The following KRT26 variants were observed in gnomAD, a reference collection of about 807,000 sequenced individuals.
KRT26 encodes keratin, type I cytoskeletal 26.
In KRT26, 45 loss-of-function variants were observed where a neutral mutation model predicts 46.1. That is an observed-to-expected ratio of 0.98 (90% confidence interval 0.77 to 1.25). The LOEUF is 1.25. Ranked by LOEUF, KRT26 falls within the 50% of genes most tolerant of loss-of-function variation. The pLI is 0.00. For synonymous variants in KRT26, 191 were observed against 209.9 expected, an observed-to-expected ratio of 0.91 and a Z score of 0.78; for missense variants, 582 against 560.1, an observed-to-expected ratio of 1.04 and a Z score of -0.39.
At chr17:40,769,692 A>ATATC in intron 5 of KRT26, 62 bp downstream of exon 5, 1 of 1,533,136 alleles carries the variant, frequency 6.5e-7, no homozygotes, top group Admixed American at 1.7e-5. Context: ...ATGTATTTTT[A>ATATC]TATCTGTATT....
chr17:40,766,319 C>G, exon 8 of KRT26: 2 of 398,440 alleles, frequency 5.0e-6, no homozygotes, highest in Non-Finnish European at 8.7e-6. Context: ...CAGGATTTTT[C>G]TACTCTGGAA....
chr17:40,768,968 C>T (rs772527426), exon 6 of KRT26: 1 of 1,612,988 alleles, frequency 6.2e-7, no homozygotes, highest in Admixed American at 1.7e-5. Context: ...ACTCCAGCTT[C>T]TGGCCTTCTG....
exon 2 of KRT26, chr17:40,771,209 T>C (rs1415298125): frequency 6.2e-7 from 1 of 1,606,784 alleles, no homozygotes; most frequent in South Asian, 1.1e-5. Flanking sequence ...AGAACAATGC[T>C]GGCATTGCAG....
In KRT26 at chr17:40,770,134, A is replaced by G. The variant is rs1286481226; in HGVS notation, c.682-12T>C. On this transcript the variant is annotated splice_polypyrimidine_tract_variant and intron_variant, in intron 3 of 7. Coordinates refer to ENST00000335552, the Ensembl canonical transcript of KRT26. ...AAGACTTCCATTTCCTAGAAAAGGGATCGGTATTCATCCTCAGTGGAGGAT... is the reference window on the plus strand; with the variant it reads ...AAGACTTCCATTTCCTAGAAAAGGGGTCGGTATTCATCCTCAGTGGAGGAT... 6.2e-6 allele frequency: 10 copies of G among 1,613,942 alleles called. No individual in the cohort carries two copies. Among genetic ancestry groups the G allele is most frequent in the Non-Finnish European group, 8.5e-6 (10 of 1,179,972 alleles).
rs2038227380 is a variant in KRT26 at position 40,772,075 on chromosome 17, G to A, written c.39C>T (p.Cys13=). 4 of 1,614,142 alleles carry A rather than the reference G, an allele frequency of 2.5e-6. No homozygotes were observed. The East Asian group carries it at 8.9e-5, about 36-fold the overall frequency. ...ACAGCCTACCAGACCCAGTTCGCGA[G>A]CAGATCCTCCTGGATCCACCAGAAA... The change falls in exon 1 of 8, where the codon TGC becomes TGT. Residue 13 remains cysteine, a synonymous_variant. Coordinates refer to ENST00000335552, the Ensembl canonical transcript of KRT26.
chr17:40,772,009 A>G (rs931484444), exon 1 of KRT26: 2 of 1,614,000 alleles, frequency 1.2e-6, no homozygotes, highest in African/African-American at 2.7e-5. Context: ...CTCCCGATCC[A>G]ACACACACAT....
At chr17:40,769,139 A>C in intron 5 of KRT26, 43 bp from the exon 6 acceptor site, 1 of 1,231,278 alleles carries the variant, frequency 8.1e-7, no homozygotes, top group Non-Finnish European at 1.2e-6. Context: ...TAAAAGAGAA[A>C]TGGCATGGTC....
chr17:40,766,505 T>C lies in KRT26; in HGVS notation c.*10A>G, dbSNP rs779564931. 6.5e-6 allele frequency: 10 copies of C among 1,546,370 alleles called. No individual in the cohort carries two copies. In the African/African-American group the frequency reaches 1.4e-4, roughly 21 times the overall value. On this transcript the variant is annotated 3_prime_UTR_variant, in exon 8 of 8. Transcript: ENST00000335552. ...CTTTCTTTCTTTCTTTCCAAATAAC[T>C]TTTTCCTCATTATGGTGCTTTAGAA...
chr17:40,770,332 G>A (rs1377992215), exon 3 of KRT26: 2 of 1,613,872 alleles, frequency 1.2e-6, no homozygotes, highest in African/African-American at 2.7e-5. Context: ...TGTACAAAGG[G>A]TCAGTTCATC....
upstream of KRT26, chr17:40,772,178 A>T (rs189976028): frequency 7.6e-7 from 1 of 1,314,906 alleles, no homozygotes; most frequent in Non-Finnish European, 1.1e-6. Flanking sequence ...CACCTTCCAC[A>T]CTTGTTAGCT....
chr17:40,769,756 C>T (rs2038203464), exon 5 of KRT26: 4 of 1,614,156 alleles, frequency 2.5e-6, no homozygotes, highest in African/African-American at 2.7e-5. Flanking sequence ...CTACGTACCA[C>T]AGCCATGAGG....
exon 4 of KRT26, chr17:40,770,110 A>G (rs1197445185): frequency 6.2e-7 from 1 of 1,614,196 alleles, no homozygotes; most frequent in Admixed American, 1.7e-5. Flanking sequence ...GTATATTGCA[A>G]GACTTCCATT....
exon 7 of KRT26, chr17:40,767,649 T>C (rs1253799402): frequency 6.2e-7 from 1 of 1,603,502 alleles, no homozygotes; most frequent in Admixed American, 1.7e-5. Flanking sequence ...GTGGATTTGC[T>C]TTTTCTGTGA....
At chr17:40,770,174 A>C (rs371719816) in intron 3 of KRT26, 52 bp from the exon 4 acceptor site, 1 of 1,612,878 alleles carries the variant, frequency 6.2e-7, no homozygotes, top group African/African-American at 1.3e-5. Flanking sequence ...ATTGATGTTC[A>C]TGCCCTGCTA....
chr17:40,771,102 T>C (rs751692905), intron 2 of KRT26, 52 bp downstream of exon 2: 243 of 1,053,616 alleles, frequency 2.3e-4, no homozygotes, highest in Admixed American at 4.2e-4. Context: ...CTTAATCCAA[T>C]TGTAATATTT....
Position 40,771,672 on chromosome 17 carries a change from C to A in KRT26, c.441+1G>T, listed in dbSNP as rs758341043. The A allele has an allele frequency of 6.2e-7, 1 of 1,602,910 alleles. No individual in the cohort carries two copies. Among genetic ancestry groups the A allele is most frequent in the Non-Finnish European group, 8.5e-7 (1 of 1,172,864 alleles). Reference sequence around the variant, plus strand: ...AAAGTATGCAAATCCCTATTTCTTACCTGCCTTTTAAGATCTTCTATGACT... The same window carrying A: ...AAAGTATGCAAATCCCTATTTCTTAACTGCCTTTTAAGATCTTCTATGACT... On this transcript the variant is annotated splice_donor_variant, in intron 1 of 7. Coordinates refer to ENST00000335552, the Ensembl canonical transcript of KRT26. LOFTEE classifies it high-confidence loss of function.
intron 2 of KRT26, 118 bp downstream of exon 2, chr17:40,771,036 T>C (rs1178188983): frequency 1.9e-6 from 1 of 533,918 alleles, no homozygotes; most frequent in Non-Finnish European, 3.3e-6. Flanking sequence ...AATTTCTTTA[T>C]TGATCTAGTC....
chr17:40,770,948 T>A (rs1204981398), intron 2 of KRT26, among the ~76,000 whole-genome samples: 1 of 152,184 alleles, frequency 6.6e-6, no homozygotes, highest in East Asian at 1.9e-4. Context: ...TGCCTCAGCC[T>A]CCCAAGGTGC....
chr17:40,770,278 G>C lies in KRT26; in HGVS notation c.656C>G (p.Thr219Ser), dbSNP rs111493875. The C allele has an allele frequency of 1.2e-5, 19 of 1,613,996 alleles. No homozygotes were observed. In the African/African-American group the frequency reaches 1.2e-4, roughly 10 times the overall value. Reference sequence around the variant, plus strand: ...CTCCTCATGACTTTTTTTGAGGTAGGTCAATTCCTCACTGAGGGTCTCACA... The same window carrying C: ...CTCCTCATGACTTTTTTTGAGGTAGCTCAATTCCTCACTGAGGGTCTCACA... The change falls in exon 3 of 8, where the codon ACC (threonine) becomes AGC (serine). Residue 219 changes from threonine (T) to serine (S), a missense_variant. Thr to Ser is a moderately conservative substitution (Grantham distance 58). Transcript: ENST00000335552.
Sources: allele counts gnomAD v4.1 joint callset (sites outside exome capture counted in the v4.1 genomes callset), GRCh38; gene constraint gnomAD v4.1.1; transcripts MANE v1.5; gene names NCBI Gene and HGNC (gene_info 2026-07-23, HGNC 2026-07-21).